MCPH1: variants seen among roughly 807,000 people sequenced by gnomAD.
MCPH1 encodes the protein microcephalin 1, also known as microcephalin.
A neutral mutation model predicts 84.5 loss-of-function variants in MCPH1; 104 were observed. That is an observed-to-expected ratio of 1.23 (90% CI 1.05 to 1.45). MCPH1 has a LOEUF of 1.45. Among genes scored for constraint, MCPH1 ranks in the 40% most tolerant of loss-of-function variants. The probability of loss-of-function intolerance (pLI) is 0.00; values close to 1 mark genes in which losing one functional copy is unlikely to be tolerated. For synonymous variants in MCPH1, 514 were observed against 366.8 expected, an observed-to-expected ratio of 1.40 and a Z score of -4.58; for missense variants, 1,498 against 1,005.7, an observed-to-expected ratio of 1.49 and a Z score of -6.62.
chr8:6,556,280 C>G (rs1563121405), intron 12 of MCPH1, among the ~76,000 whole-genome samples: 1 of 152,098 alleles, frequency 6.6e-6, no homozygotes, highest in African/African-American at 2.4e-5. Context: ...ATTTCAGAAT[C>G]ATATAATTAT....
chr8:6,433,594 C>G (rs1802165758), intron 4 of MCPH1, among the ~76,000 whole-genome samples: 1 of 138,070 alleles, frequency 7.2e-6, no homozygotes, highest in South Asian at 2.3e-4. Flanking sequence ...GATCATGCCA[C>G]TGCACTCCAG....
chr8:6,557,024 C>T (rs754530156), intron 12 of MCPH1, among the ~76,000 whole-genome samples: 94 of 152,246 alleles, frequency 6.2e-4, no homozygotes, highest in Middle Eastern at 3.4e-3. Context: ...CTGGAAACCC[C>T]ACCTAGGAGG....
chr8:6,454,976 A>C (rs1165063134), intron 8 of MCPH1, among the ~76,000 whole-genome samples, 167 bp from the exon 9 acceptor site: 2 of 152,218 alleles, frequency 1.3e-5, no homozygotes, highest in Non-Finnish European at 2.9e-5. Flanking sequence ...TTGGAATGTA[A>C]TAAACTGAAA....
At chr8:6,511,552 GA>G (rs201475579) in intron 12 of MCPH1, among the ~76,000 whole-genome samples, 3 of 151,022 alleles carry the variant, frequency 2.0e-5, no homozygotes, top group South Asian at 2.1e-4. Flanking sequence ...TTTCTTCTGG[GA>G]AAAAAAAATC....
chr8:6,618,249 C>G (rs1831057000), intron 12 of MCPH1, among the ~76,000 whole-genome samples: 1 of 152,252 alleles, frequency 6.6e-6, no homozygotes. Flanking sequence ...AATGAGAACA[C>G]CGCCTGCTGC....
At chr8:6,436,999 G>C (rs1024441690) in intron 5 of MCPH1, among the ~76,000 whole-genome samples, 2 of 151,988 alleles carry the variant, frequency 1.3e-5, no homozygotes, top group Non-Finnish European at 1.5e-5. Flanking sequence ...GAAACATTAA[G>C]ATGCTTTGTA....
chr8:6,518,460 G>A (rs1816713353), intron 12 of MCPH1, among the ~76,000 whole-genome samples: 1 of 152,110 alleles, frequency 6.6e-6, no homozygotes, highest in Non-Finnish European at 1.5e-5. Flanking sequence ...CTAATTTTCA[G>A]GGTTGATTTA....
At chr8:6,508,794 C>G (rs1563314170) in intron 12 of MCPH1, 3 of 1,204,110 alleles carry the variant, frequency 2.5e-6, no homozygotes, top group African/African-American at 3.0e-5. Context: ...ACACATTTAC[C>G]TATATCAAGC....
intron 3 of MCPH1, among the ~76,000 whole-genome samples, chr8:6,417,599 C>A (rs894435527): frequency 2.0e-5 from 3 of 151,810 alleles, no homozygotes; most frequent in African/African-American, 7.3e-5. Context: ...CTACTTAGTA[C>A]CTTTATTTGA....
intron 12 of MCPH1, among the ~76,000 whole-genome samples, chr8:6,536,097 T>C (rs548644242): frequency 5.9e-5 from 9 of 152,176 alleles, no homozygotes; most frequent in South Asian, 2.1e-4. Flanking sequence ...AAAATACTTA[T>C]GTTCTTACTC....
At chr8:6,624,461 C>A (rs1185202333) in intron 13 of MCPH1, among the ~76,000 whole-genome samples, 1 of 152,184 alleles carries the variant, frequency 6.6e-6, no homozygotes, top group African/African-American at 2.4e-5. Flanking sequence ...TGTAGTAGAC[C>A]TCTCCAGTGT....
intron 4 of MCPH1, 36 bp from the exon 5 acceptor site, chr8:6,436,012 C>T (rs907544215): frequency 3.1e-6 from 5 of 1,609,930 alleles, no homozygotes; most frequent in Middle Eastern, 1.6e-4. Flanking sequence ...TAAGCAGTTG[C>T]AGTACAGCAT....
rs1200871649 is a variant in MCPH1, at chr8:6,646,714, GC to G, written c.*3667del. Reference sequence around the variant, plus strand: ...AATGTTTAGCTGCATCCTGGCCTCTGCCTATTAGATGCCAGTGGCATCCCTC... The same window carrying G: ...AATGTTTAGCTGCATCCTGGCCTCTGCTATTAGATGCCAGTGGCATCCCTC... On this transcript the variant is annotated 3_prime_UTR_variant, in exon 14 of 14. Transcript: ENST00000344683. 4 of 152,310 alleles carry G rather than the reference GC, an allele frequency of 2.6e-5. No homozygotes were observed. The highest frequency in any genetic ancestry group is 4.4e-5 in the Non-Finnish European group (3 of 68,044). 9.4% of individuals were successfully genotyped at this position (152,310 alleles called of 1,614,324 possible).
At chr8:6,562,984 A>G (rs768962823) in intron 12 of MCPH1, 3 of 1,536,162 alleles carry the variant, frequency 2.0e-6, no homozygotes, top group Non-Finnish European at 2.6e-6. Context: ...GGGCAAACAC[A>G]CGTCCAGAGT....
rs1797759768 is a variant in MCPH1, at chr8:6,639,140, G to C, written c.2453-3854G>C. On this transcript the variant is annotated intron_variant, in intron 13 of 13. Transcript: ENST00000344683. ...CCCCACCACGATAAATACGTGGATGGAAGGATACATGCGTGGAAGGGTGGA... is the reference window on the plus strand; with the variant it reads ...CCCCACCACGATAAATACGTGGATGCAAGGATACATGCGTGGAAGGGTGGA... Among the ~76,000 whole-genome samples the C allele has an allele frequency of 2.0e-5, 3 of 152,166 alleles. No homozygotes were observed. The South Asian group carries it at 6.2e-4, about 32-fold the overall frequency.
intron 12 of MCPH1, among the ~76,000 whole-genome samples, chr8:6,602,705 C>A (rs933467626): frequency 3.9e-5 from 6 of 152,218 alleles, no homozygotes; most frequent in Admixed American, 6.5e-5. Flanking sequence ...GTATTTGTGA[C>A]AGATCTTATC....
intron 13 of MCPH1, chr8:6,627,006 C>A (rs114224523): frequency 1.0e-6 from 1 of 984,912 alleles, no homozygotes; most frequent in South Asian, 4.7e-5. Flanking sequence ...AAAGTTTAGC[C>A]TCCGCCTGAT....
intron 6 of MCPH1, among the ~76,000 whole-genome samples, chr8:6,441,171 T>C (rs531593390): frequency 6.6e-6 from 1 of 152,374 alleles, no homozygotes; most frequent in East Asian, 1.9e-4. Flanking sequence ...CAAAGTTCTG[T>C]TGTTAAGAAG....
intron 12 of MCPH1, among the ~76,000 whole-genome samples, chr8:6,610,318 C>T (rs948581679): frequency 5.3e-5 from 8 of 152,228 alleles, no homozygotes; most frequent in Non-Finnish European, 1.0e-4. Flanking sequence ...AAGTTACAAT[C>T]AGGTGTCTTC....
Sources: allele counts gnomAD v4.1 joint callset (sites outside exome capture counted in the v4.1 genomes callset), GRCh38; gene constraint gnomAD v4.1.1; transcripts MANE v1.5; gene names NCBI Gene and HGNC (gene_info 2026-07-23, HGNC 2026-07-21).